The following LRRFIP1 variants were observed in gnomAD, a reference collection of about 807,000 sequenced individuals.
The protein encoded by LRRFIP1 is LRR binding FLII interacting protein 1, also known as leucine-rich repeat flightless-interacting protein 1.
Under a neutral mutation model 104.4 loss-of-function variants are expected in LRRFIP1, and 62 were observed. That is an observed-to-expected ratio of 0.59 (90% CI 0.48 to 0.73). LRRFIP1 has a LOEUF of 0.73. Ranked by LOEUF, LRRFIP1 falls within the 30% of genes least tolerant of loss-of-function variation. The pLI, the probability that LRRFIP1 is intolerant of heterozygous loss-of-function variation, is 0.00. For synonymous variants in LRRFIP1, 300 were observed against 299.0 expected (o/e 1.00, Z -0.03); for missense variants, 796 against 824.5 (o/e 0.97, Z 0.42).
chr2:237,771,461 A>G (rs1364018503), intron 20 of LRRFIP1, among the ~76,000 whole-genome samples: 3 of 151,484 alleles, frequency 2.0e-5, no homozygotes, highest in Non-Finnish European at 2.9e-5. Flanking sequence ...TGTACCGGAG[A>G]ATGCAGGTAG....
At chr2:237,746,499 C>T (rs1160235436) in intron 11 of LRRFIP1, among the ~76,000 whole-genome samples, 1 of 152,138 alleles carries the variant, frequency 6.6e-6, no homozygotes, top group Non-Finnish European at 1.5e-5. Flanking sequence ...GAGATGGTGC[C>T]CATCTGATCA....
intron 1 of LRRFIP1, among the ~76,000 whole-genome samples, chr2:237,681,692 T>TGAGGACTAAGAACTCCACAAGC (rs1470012117): frequency 1.3e-5 from 1 of 79,848 alleles, no homozygotes. Context: ...TTTTTTTTTT[T>TGAGGACTAAGAACTCCACAAGC]TTTTTGAGAC....
At chr2:237,728,421 G>A (rs142989947) in intron 8 of LRRFIP1, among the ~76,000 whole-genome samples, 3 of 151,996 alleles carry the variant, frequency 2.0e-5, no homozygotes, top group Admixed American at 6.6e-5. Context: ...TGCTTGGAAG[G>A]CTCCCAGTTA....
chr2:237,733,939 C>G, intron 9 of LRRFIP1, 121 bp downstream of exon 9: 1 of 1,034,328 alleles, frequency 9.7e-7, no homozygotes, highest in Non-Finnish European at 1.5e-6. Context: ...TGCACCTTCA[C>G]GTGGAGCTTA....
intron 19 of LRRFIP1, chr2:237,762,531 G>A (rs1403601692): frequency 7.2e-6 from 9 of 1,247,502 alleles, no homozygotes; most frequent in Non-Finnish European, 1.0e-5. Flanking sequence ...TGGAACGTGT[G>A]TTTACATTCT....
chr2:237,668,890 G>A (rs186261129), intron 1 of LRRFIP1, among the ~76,000 whole-genome samples: 6 of 152,234 alleles, frequency 3.9e-5, no homozygotes, highest in African/African-American at 1.2e-4. Flanking sequence ...CCTCATACTT[G>A]ACCAAGCACA....
In LRRFIP1 at chr2:237,729,717, G is replaced by T. The variant is rs190409248; in HGVS notation, c.444+1782G>T. On this transcript the variant is annotated intron_variant, in intron 8 of 23. Coordinates refer to ENST00000308482, the MANE Select transcript of LRRFIP1 (RefSeq NM_001137550.2). ...ATGTTCGCCTTTTGAATGGGATGGG[G>T]GTGCTTTTGGAGTCGTAAGGAAGTG... 23 of 786,050 alleles carry T rather than the reference G, an allele frequency of 2.9e-5. No individual in the cohort carries two copies. The East Asian group carries it at 1.5e-3, about 52-fold the overall frequency. 48.7% of individuals were successfully genotyped at this position (786,050 alleles called of 1,614,324 possible).
At chr2:237,721,499 T>A (rs1288040304) in intron 6 of LRRFIP1, 1 of 152,240 alleles carries the variant, frequency 6.6e-6, no homozygotes, top group Non-Finnish European at 1.5e-5. Flanking sequence ...GCTCAGTGCT[T>A]TAAATCAGTG....
intron 1 of LRRFIP1, among the ~76,000 whole-genome samples, chr2:237,701,406 A>C (rs962240012): frequency 1.3e-5 from 2 of 152,242 alleles, no homozygotes; most frequent in African/African-American, 4.8e-5. Flanking sequence ...GGCTGAGGCC[A>C]TGCGAGGATG....
At position 237,661,469 on chromosome 2, in the gene LRRFIP1, ACTCC is replaced by A. The variant is rs1314255203; in HGVS notation, c.96+33734_96+33737del. Among the ~76,000 whole-genome samples, 3 of 151,172 alleles carry A rather than the reference ACTCC, an allele frequency of 2.0e-5. No individual in the cohort carries two copies. The highest frequency in any genetic ancestry group is 2.9e-5 in the Non-Finnish European group (2 of 67,800). ...CAGCTGGCCGGGCTGCCCTCCCCAG[ACTCC>A]CTCCTTCCTTCCAGATGTGAGCAAA... On this transcript the variant is annotated intron_variant, in intron 1 of 23. Coordinates refer to ENST00000308482, the MANE Select transcript of LRRFIP1 (RefSeq NM_001137550.2). The surrounding 1 kb of genome is among the most constrained non-coding windows in gnomAD (Gnocchi z 4.4).
At chr2:237,721,032 G>A in intron 6 of LRRFIP1, 1 of 518,254 alleles carries the variant, frequency 1.9e-6, no homozygotes, top group Non-Finnish European at 3.5e-6. Flanking sequence ...CACGTTGGTT[G>A]TTTCTTTCTC....
chr2:237,763,893 C>T (rs777198541), intron 19 of LRRFIP1: 1 of 1,614,232 alleles, frequency 6.2e-7, no homozygotes, highest in Non-Finnish European at 8.5e-7. Flanking sequence ...GATCGCTGCA[C>T]CCTGCCCGAA....
chr2:237,740,835 C>T (rs541763510), intron 11 of LRRFIP1, among the ~76,000 whole-genome samples: 70 of 151,702 alleles, frequency 4.6e-4, no homozygotes, highest in Non-Finnish European at 8.7e-4. Flanking sequence ...CCCGAGGCCA[C>T]GGCCCAGGTG....
chr2:237,654,231 C>T (rs763240482), intron 1 of LRRFIP1, among the ~76,000 whole-genome samples: 1 of 151,930 alleles, frequency 6.6e-6, no homozygotes, highest in South Asian at 2.1e-4. Context: ...AGAAGACATA[C>T]AAATGGCCAA....
intron 2 of LRRFIP1, among the ~76,000 whole-genome samples, chr2:237,709,972 C>T (rs147634715): frequency 0.017 from 2,601 of 151,994 alleles, 90 homozygotes; most frequent in African/African-American, 0.059. Flanking sequence ...CATGCCTCAG[C>T]CTCCCAAGTA....
chr2:237,651,539 T>A (rs2085936973), intron 1 of LRRFIP1, among the ~76,000 whole-genome samples: 2 of 152,212 alleles, frequency 1.3e-5, no homozygotes, highest in South Asian at 4.1e-4. Flanking sequence ...CCCTGCCATG[T>A]TGCTGTGGAA....
intron 1 of LRRFIP1, among the ~76,000 whole-genome samples, chr2:237,630,435 A>C (rs921737215): frequency 6.6e-6 from 1 of 152,206 alleles, no homozygotes; most frequent in African/African-American, 2.4e-5. Context: ...CCTGCCCTCC[A>C]GGAGTTGGGT....
At chr2:237,718,173 T>C (rs922757202) in intron 4 of LRRFIP1, among the ~76,000 whole-genome samples, 1 of 152,232 alleles carries the variant, frequency 6.6e-6, no homozygotes, top group Non-Finnish European at 1.5e-5. Context: ...TTGAGAACTT[T>C]CCAGAGAACA....
At chr2:237,692,364 C>A in intron 1 of LRRFIP1, 1 of 1,299,078 alleles carries the variant, frequency 7.7e-7, no homozygotes, top group Non-Finnish European at 9.8e-7. Flanking sequence ...TCTCCGCGGA[C>A]AGAGCGCGCG....
Sources: gnomAD v4.1 joint callset for allele counts (sites outside exome capture counted in the v4.1 genomes callset) on GRCh38, gnomAD v4.1.1 for gene constraint, Gnocchi (gnomAD v3.1) non-coding constraint, MANE v1.5 for transcripts, NCBI Gene and HGNC (gene_info 2026-07-23, HGNC 2026-07-21) for gene names.